COL6A3: variants seen among roughly 807,000 people sequenced by gnomAD.
The protein encoded by COL6A3 is collagen type VI alpha 3 chain.
A neutral mutation model predicts 274.1 loss-of-function variants in COL6A3; 137 were observed. The ratio of observed to expected loss-of-function variants is 0.50; its 90% confidence interval spans 0.44 to 0.58. COL6A3 has a LOEUF of 0.58. Ranked by LOEUF, COL6A3 falls within the 20% of genes least tolerant of loss-of-function variation. COL6A3 has a pLI of 0.00. For synonymous variants in COL6A3, 1,650 were observed against 1,650.6 expected (o/e 1.00, Z 0.01); for missense variants, 3,950 against 4,124.9 (o/e 0.96, Z 1.16).
At chr2:237,372,391 G>A (rs530409386) in intron 8 of COL6A3, 54 bp from the exon 9 acceptor site, 56 of 1,599,698 alleles carry the variant, frequency 3.5e-5, no homozygotes, top group African/African-American at 2.9e-4. Context: ...AATTCTTAGC[G>A]TTCATGAGCC....
chr2:237,406,273 C>G (rs567627265), intron 1 of COL6A3, among the ~76,000 whole-genome samples: 1 of 152,220 alleles, frequency 6.6e-6, no homozygotes, highest in South Asian at 2.1e-4. Flanking sequence ...TTTTCCATGT[C>G]TGGAAATCTT....
chr2:237,388,838 A>T (rs1261930173), intron 3 of COL6A3, among the ~76,000 whole-genome samples: 1 of 152,222 alleles, frequency 6.6e-6, no homozygotes, highest in African/African-American at 2.4e-5. Context: ...AAATACTTTG[A>T]TGAAATTTTT....
At position 237,341,136 on chromosome 2, in the gene COL6A3, C is replaced by A; in HGVS notation, c.7780G>T (p.Asp2594Tyr). The part of the protein sequence containing the change: ...CHVCLDICNI[D>Y]PSCGFGSWRP... ...CAACTGCCAAATCCACAGGATGGGT[C>A]GATGTTGCAGATGTCTAGAAAGAAG... The change falls in exon 38 of 44, where the codon GAC becomes TAC. Residue 2594 changes from aspartate (D) to tyrosine (Y), a missense_variant. By Grantham distance (160) the Asp-to-Tyr change is radical. Transcript: ENST00000295550. The A allele has an allele frequency of 6.2e-7, 1 of 1,614,094 alleles. No homozygotes were observed. The highest frequency in any genetic ancestry group is 8.5e-7 in the Non-Finnish European group (1 of 1,180,020).
Position 237,336,449 on chromosome 2 carries a change from G to A in COL6A3, c.8651C>T (p.Thr2884Ile), listed in dbSNP as rs754615044. Residue 2884 changes from threonine to isoleucine, a missense_variant, in exon 40 of 44, where the codon ACC becomes ATC. Around this residue, in one of 5 missense-constraint regions of COL6A3, gnomAD observed 1,284 missense variants for 1,349.7 expected, o/e 0.95. Coordinates refer to ENST00000295550, the MANE Select transcript of COL6A3 (RefSeq NM_004369.4). ...GGTGGTTACAGGCTTTGTTGTGGTG[G>A]TCACCGGCTTCGTCGTAGTCACCGG... ...TKPVTTTKPVTTTTKPVTTTT... is the reference protein window; with the variant it reads ...TKPVTTTKPVITTTKPVTTTT... 5 of 1,614,152 alleles carry A rather than the reference G, an allele frequency of 3.1e-6. No homozygotes were observed. In the South Asian group the frequency reaches 5.5e-5, roughly 18 times the overall value.
chr2:237,330,120 TTTGTTGTTG>T (rs558062898), intron 42 of COL6A3: 1 of 152,200 alleles, frequency 6.6e-6, no homozygotes, highest in African/African-American at 2.4e-5. Context: ...AAGTTAGATT[TTTGTTGTTG>T]TTGTTGTTGT....
chr2:237,344,808 C>T lies in COL6A3; in HGVS notation c.7210G>A (p.Ala2404Thr). 7 of 1,611,922 alleles carry T rather than the reference C, an allele frequency of 4.3e-6. No individual in the cohort carries two copies. The highest frequency in any genetic ancestry group is 2.2e-5 in the East Asian group (1 of 44,876). ...LECPVFPTEL[A>T]FALDTSEGVN... ...CCCTCAGAGGTGTCTAAAGCAAAGG[C>T]TAGTTCTGTTGGGAAGACGGGGCAC... Residue 2404 changes from alanine (A) to threonine (T), a missense_variant, in exon 36 of 44, where the codon GCC (alanine) becomes ACC (threonine). Physicochemically the swap from Ala to Thr is moderately conservative, Grantham distance 58. Around this residue, in one of 5 missense-constraint regions of COL6A3, gnomAD observed 1,284 missense variants for 1,349.7 expected, o/e 0.95. Transcript: ENST00000295550. The surrounding 1 kb of genome is among the most constrained non-coding windows in gnomAD (Gnocchi z 4.8).
At chr2:237,363,471 C>A in intron 13 of COL6A3, 73 bp from the exon 14 acceptor site, 2 of 1,561,074 alleles carry the variant, frequency 1.3e-6, no homozygotes, top group Non-Finnish European at 1.8e-6. Context: ...TTCCTGACTA[C>A]ATTTTTAAAG....
At chr2:237,360,286 C>G (rs918298983) in intron 16 of COL6A3, 127 bp from the exon 17 acceptor site, 2 of 957,530 alleles carry the variant, frequency 2.1e-6, no homozygotes, top group Non-Finnish European at 3.3e-6. Context: ...CCATGGGGAA[C>G]GCCGATCGAG....
At chr2:237,350,485 G>A (rs563393315) in intron 27 of COL6A3, among the ~76,000 whole-genome samples, 4 of 152,256 alleles carry the variant, frequency 2.6e-5, no homozygotes, top group East Asian at 1.9e-4. Flanking sequence ...GAAGGCGGTG[G>A]GCATTGAGCC....
rs1410395808 is a variant in COL6A3, at chr2:237,359,056, C to G, written c.6387G>C (p.Glu2129Asp). 2.5e-6 allele frequency: 4 copies of G among 1,614,044 alleles called. No individual in the cohort carries two copies. The highest frequency in any genetic ancestry group is 3.4e-6 in the Non-Finnish European group (4 of 1,179,988). ...CTACCCTTCTTCCAGGATTCCCTTT[C>G]TCTCCAGAAGAACCAGGCAATCCTT... ...GDKGLPGSSG[E>D]KGNPGRRGDK... Residue 2129 changes from glutamate to aspartate, a missense_variant, in exon 20 of 44, where the codon GAG becomes GAC. Physicochemically the swap from Glu to Asp is conservative, Grantham distance 45. Transcript: ENST00000295550.
At chr2:237,333,780 T>C (rs1700388202) in intron 41 of COL6A3, among the ~76,000 whole-genome samples, 1 of 152,126 alleles carries the variant, frequency 6.6e-6, no homozygotes, top group Non-Finnish European at 1.5e-5. Flanking sequence ...TCTGAACAAA[T>C]CCTCTCACTT....
At chr2:237,408,948 C>T (rs1191716497) in intron 1 of COL6A3, among the ~76,000 whole-genome samples, 1 of 152,152 alleles carries the variant, frequency 6.6e-6, no homozygotes, top group African/African-American at 2.4e-5. Flanking sequence ...AAAGAGGCTA[C>T]TCCAAGGAAG....
chr2:237,406,397 G>A (rs1319246933), intron 1 of COL6A3, among the ~76,000 whole-genome samples: 3 of 152,090 alleles, frequency 2.0e-5, no homozygotes, highest in Admixed American at 2.0e-4. Flanking sequence ...TCCAAGCACT[G>A]CTTTTTAAAA....
In COL6A3 at chr2:237,324,671, T is replaced by C; in HGVS notation, c.*103A>G. ...TTCGAGTGTAAATCAAAGCATGAAA[T>C]GATACAGTGCAAGGGAATCTACACC... On this transcript the variant is annotated 3_prime_UTR_variant, in exon 44 of 44. Transcript: ENST00000295550. 9.6e-7 allele frequency: 1 copy of C among 1,037,420 alleles called. No homozygotes were observed. Among genetic ancestry groups the C allele is most frequent in the Non-Finnish European group, 1.5e-6 (1 of 667,738 alleles). 64.3% of individuals were successfully genotyped at this position (1,037,420 alleles called of 1,614,324 possible).
rs886042996 is a variant in COL6A3 at position 237,374,592 on chromosome 2, T to C, written c.3499A>G (p.Ile1167Val). 6.2e-7 allele frequency: 1 copy of C among 1,614,078 alleles called. No individual in the cohort carries two copies. The change falls in exon 8 of 44, where the codon ATC becomes GTC. Residue 1167 changes from isoleucine (I) to valine (V), a missense_variant. Ile to Val is a conservative substitution (Grantham distance 29, BLOSUM62 3). Coordinates refer to ENST00000295550, the MANE Select transcript of COL6A3 (RefSeq NM_004369.4). The surrounding 1 kb of genome is among the most constrained non-coding windows in gnomAD (Gnocchi z 4.8). ...RGGAVPIGIG[I>V]GNADITEMQT... ...ATCTCTGTGATGTCAGCGTTCCCGATGCCAATGCCAATGGGCACAGCCCCA... is the reference window on the plus strand; with the variant it reads ...ATCTCTGTGATGTCAGCGTTCCCGACGCCAATGCCAATGGGCACAGCCCCA...
chr2:237,354,260 C>T (rs557961552), intron 24 of COL6A3, among the ~76,000 whole-genome samples: 11 of 152,056 alleles, frequency 7.2e-5, no homozygotes, highest in East Asian at 1.9e-4. Context: ...TCAGGTGATC[C>T]GCCTGTCTCA....
intron 12 of COL6A3, among the ~76,000 whole-genome samples, 162 bp downstream of exon 12, chr2:237,365,536 G>A (rs1195560753): frequency 1.3e-5 from 2 of 152,216 alleles, no homozygotes; most frequent in Non-Finnish European, 2.9e-5. Flanking sequence ...GAGGAAGACA[G>A]TACATGACAT....
chr2:237,332,115 A>ATGTG (rs61011958), intron 42 of COL6A3, among the ~76,000 whole-genome samples: 2 of 103,568 alleles, frequency 1.9e-5, no homozygotes, highest in African/African-American at 6.8e-5. Context: ...ATATATATAT[A>ATGTG]TATGAAAAGA....
intron 11 of COL6A3, 33 bp from the exon 12 acceptor site, chr2:237,366,068 A>G: frequency 6.3e-7 from 1 of 1,597,824 alleles, no homozygotes; most frequent in Middle Eastern, 1.7e-4. Context: ...ATGAGTTCTC[A>G]GCTGGGGCTG....
Sources: allele counts gnomAD v4.1 joint callset (sites outside exome capture counted in the v4.1 genomes callset), GRCh38; gene constraint gnomAD v4.1.1; regional missense constraint gnomAD v4.1.1; non-coding constraint Gnocchi (gnomAD v3.1); transcripts MANE v1.5; gene names NCBI Gene and HGNC (gene_info 2026-07-23, HGNC 2026-07-21).